Variants in IDO2 observed in about 807,000 individuals in gnomAD.
IDO2 encodes the protein indoleamine 2,3-dioxygenase 2, also known as indoleamine 2,3-dioxygenase-like 1 protein.
Under a neutral mutation model 45.1 loss-of-function variants are expected in IDO2, and 46 were observed. The observed-to-expected ratio is 1.02, with a 90% CI of 0.80 to 1.30. The LOEUF (loss-of-function observed/expected upper bound fraction) is 1.30. Among genes scored for constraint, IDO2 ranks in the 50% most tolerant of loss-of-function variants. The pLI, the probability that IDO2 is intolerant of heterozygous loss-of-function variation, is 0.00. For synonymous variants in IDO2, 218 were observed against 184.9 expected (o/e 1.18, Z -1.45); for missense variants, 544 against 491.8 (o/e 1.11, Z -1.00).
At position 39,935,229 on chromosome 8, in the gene IDO2, T is replaced by C. The variant is rs1325785741; in HGVS notation, c.-18+11T>C. On this transcript the variant is annotated intron_variant, in intron 1 of 10. Coordinates refer to ENST00000502986, the Ensembl canonical transcript of IDO2. The stretch of plus-strand genomic sequence containing the variant: ...ATTTTCATTATTATGGTAAGTACAC[T>C]GGTAACTTCTTTTCTAACCTCGTAT... 3.1e-6 allele frequency: 5 copies of C among 1,610,210 alleles called. No individual in the cohort carries two copies. The highest frequency in any genetic ancestry group is 1.7e-4 in the Middle Eastern group (1 of 6,054).
intron 3 of IDO2, among the ~76,000 whole-genome samples, chr8:39,973,912 T>G (rs941197278): frequency 1.3e-5 from 2 of 152,010 alleles, no homozygotes; most frequent in Admixed American, 1.3e-4. Flanking sequence ...CAGCTAATTT[T>G]TTATATTTTT....
chr8:39,953,717 C>T (rs1321740073), intron 2 of IDO2, among the ~76,000 whole-genome samples: 1 of 152,122 alleles, frequency 6.6e-6, no homozygotes, highest in East Asian at 1.9e-4. Context: ...AGCCCACCAC[C>T]AACCACACCC....
intron 8 of IDO2, among the ~76,000 whole-genome samples, chr8:40,004,528 T>TAGAC (rs1490991638): frequency 7.8e-5 from 11 of 140,776 alleles, no homozygotes. Context: ...AGACAGATGA[T>TAGAC]AGATAGATAG....
intron 1 of IDO2, among the ~76,000 whole-genome samples, chr8:39,947,035 A>G (rs528027902): frequency 5.7e-4 from 86 of 152,034 alleles, no homozygotes; most frequent in African/African-American, 2.1e-3. Context: ...GGGTGCCTAC[A>G]ATCCCAATTA....
chr8:39,947,619 G>A (rs916717340), intron 1 of IDO2, among the ~76,000 whole-genome samples: 3 of 152,152 alleles, frequency 2.0e-5, no homozygotes, highest in Non-Finnish European at 4.4e-5. Context: ...TCCCATTCCA[G>A]CCAACGGAAA....
At chr8:40,002,932 G>A (rs953925526) in intron 8 of IDO2, among the ~76,000 whole-genome samples, 1 of 152,140 alleles carries the variant, frequency 6.6e-6, no homozygotes, top group Non-Finnish European at 1.5e-5. Context: ...GAGAGGCAGA[G>A]AATAGCATAA....
chr8:39,997,411 T>C (rs540387780), intron 8 of IDO2, among the ~76,000 whole-genome samples: 19 of 152,144 alleles, frequency 1.2e-4, no homozygotes, highest in Middle Eastern at 3.4e-3. Context: ...CGGTGGCTCA[T>C]GCCTGTAATC....
chr8:40,009,952 A>G (rs1802285493), intron 9 of IDO2, among the ~76,000 whole-genome samples: 2 of 152,120 alleles, frequency 1.3e-5, no homozygotes, highest in South Asian at 4.1e-4. Context: ...GTGAGTGCCT[A>G]CCCCATGTCA....
At chr8:39,943,387 C>G (rs1807677387) in intron 1 of IDO2, among the ~76,000 whole-genome samples, 1 of 151,560 alleles carries the variant, frequency 6.6e-6, no homozygotes, top group Non-Finnish European at 1.5e-5. Context: ...AACAAACACT[C>G]TTAAGAAATT....
chr8:39,955,985 G>A (rs866734369), intron 2 of IDO2, among the ~76,000 whole-genome samples: 8 of 151,218 alleles, frequency 5.3e-5, no homozygotes, highest in South Asian at 2.1e-4. Flanking sequence ...ACAGTGGATA[G>A]TTGCCTTGGT....
intron 2 of IDO2, among the ~76,000 whole-genome samples, chr8:39,951,240 A>G (rs117302410): frequency 1.2e-3 from 178 of 151,402 alleles, no homozygotes; most frequent in Non-Finnish European, 2.1e-3. Flanking sequence ...AACCTCTCCA[A>G]AATTACTGCA....
chr8:39,980,571 C>T (rs6993524), intron 4 of IDO2, among the ~76,000 whole-genome samples: 2,563 of 152,014 alleles, frequency 0.017, 63 homozygotes, highest in African/African-American at 0.058. Context: ...TGTGCCTTCC[C>T]CAGAAATCAG....
intron 2 of IDO2, among the ~76,000 whole-genome samples, chr8:39,959,170 T>C (rs1301905478): frequency 6.6e-6 from 1 of 151,428 alleles, no homozygotes; most frequent in East Asian, 1.9e-4. Context: ...AGTGCAGTGG[T>C]GCGATTGGCT....
At chr8:39,988,796 G>T (rs568968361) in intron 7 of IDO2, among the ~76,000 whole-genome samples, 23 of 152,162 alleles carry the variant, frequency 1.5e-4, no homozygotes, top group Non-Finnish European at 2.8e-4. Context: ...ATATTATAGC[G>T]CTTTCTTTCT....
In IDO2 at chr8:39,989,841, A is replaced by G; in HGVS notation, c.667+3A>G. On this transcript the variant is annotated splice_donor_region_variant and intron_variant, in intron 8 of 10. Coordinates refer to ENST00000502986, the Ensembl canonical transcript of IDO2. ...CAAAACCTTAGGACAGATGCATGGT[A>G]AGATGCTTCCGAAGCTCCTGAAGGA... 1 of 1,573,562 alleles carries G rather than the reference A, an allele frequency of 6.4e-7. No individual in the cohort carries two copies. The highest frequency in any genetic ancestry group is 8.6e-7 in the Non-Finnish European group (1 of 1,156,250).
chr8:39,937,494 T>C (rs975779047), intron 1 of IDO2, among the ~76,000 whole-genome samples: 2 of 151,984 alleles, frequency 1.3e-5, no homozygotes, highest in Non-Finnish European at 2.9e-5. Context: ...AGCTTTTCTA[T>C]GAGAATTTAA....
In IDO2 at chr8:39,961,320, CTT is replaced by C. The variant is rs57577433; in HGVS notation, c.100-2270_100-2269del. Among the ~76,000 whole-genome samples the C allele has an allele frequency of 3.9e-3, 411 of 106,092 alleles. 3 individuals are homozygous for C. The highest frequency in any genetic ancestry group is 0.011 in the African/African-American group (323 of 29,450). 69.6% of individuals were successfully genotyped at this position (106,092 alleles called of 152,430 possible). On this transcript the variant is annotated intron_variant, in intron 2 of 10. Transcript: ENST00000502986. The stretch of plus-strand genomic sequence containing the variant: ...AGTTATGCTTTCAAATTGTATACTT[CTT>C]TTTTTTTTTTTTTTTTTGAAATGGA...
intron 3 of IDO2, among the ~76,000 whole-genome samples, chr8:39,973,146 T>A (rs934924100): frequency 2.0e-5 from 3 of 152,094 alleles, no homozygotes; most frequent in African/African-American, 7.2e-5. Flanking sequence ...AAGTTATAGA[T>A]CAGCAAGGGG....
chr8:39,964,314 A>G (rs1296649614), intron 3 of IDO2, among the ~76,000 whole-genome samples: 1 of 152,248 alleles, frequency 6.6e-6, no homozygotes, highest in Non-Finnish European at 1.5e-5. Context: ...AAAGTTACTC[A>G]ACTCTGTAAT....
Sources: gnomAD v4.1 joint callset for allele counts (sites outside exome capture counted in the v4.1 genomes callset) on GRCh38, gnomAD v4.1.1 for gene constraint, MANE v1.5 for transcripts, NCBI Gene and HGNC (gene_info 2026-07-23, HGNC 2026-07-21) for gene names.